DGKB: variants seen among roughly 807,000 people sequenced by gnomAD.
DGKB encodes the protein 90 kDa diacylglycerol kinase.
A neutral mutation model predicts 114.3 loss-of-function variants in DGKB; 67 were observed. That is an observed-to-expected ratio of 0.59 (90% CI 0.48 to 0.72). The LOEUF (loss-of-function observed/expected upper bound fraction) is 0.72, where lower values mean the gene tolerates loss of function less well. DGKB is among the 30% of genes least tolerant of loss of function. The probability of loss-of-function intolerance (pLI) is 0.00; values close to 1 mark genes in which losing one functional copy is unlikely to be tolerated. For missense variants in DGKB, 907 were observed against 975.2 expected, an observed-to-expected ratio of 0.93 and a Z score of 0.93; for synonymous variants, 398 against 323.1, an observed-to-expected ratio of 1.23 and a Z score of -2.49.
chr7:14,442,435 C>T (rs1830206280), intron 21 of DGKB, among the ~76,000 whole-genome samples: 1 of 151,862 alleles, frequency 6.6e-6, no homozygotes, highest in Admixed American at 6.6e-5. Context: ...ATTTGTCTTT[C>T]AGTAAACAAA....
At chr7:14,198,796 G>T (rs73679678) in intron 23 of DGKB, among the ~76,000 whole-genome samples, 8,013 of 152,022 alleles carry the variant, frequency 0.053, 338 homozygotes, top group East Asian at 0.26. Context: ...ACCTGGCATT[G>T]ATACTTTAAA....
chr7:14,899,982 G>GT (rs1369392381), intron 1 of DGKB, among the ~76,000 whole-genome samples: 1 of 152,022 alleles, frequency 6.6e-6, no homozygotes, highest in Non-Finnish European at 1.5e-5. Context: ...CTGAGTTTGA[G>GT]TTTTTTCTAA....
chr7:14,731,592 A>C (rs1364241469), intron 5 of DGKB, among the ~76,000 whole-genome samples: 1 of 152,156 alleles, frequency 6.6e-6, no homozygotes, highest in Non-Finnish European at 1.5e-5. Flanking sequence ...ATATTTATTA[A>C]ATTTCTCTTA....
intron 13 of DGKB, among the ~76,000 whole-genome samples, chr7:14,660,048 T>G (rs1365135086): frequency 6.6e-6 from 1 of 151,294 alleles, no homozygotes; most frequent in African/African-American, 2.4e-5. Context: ...TTGATTTGCG[T>G]GTATTGAACC....
At chr7:14,829,091 T>C (rs181251530) in intron 2 of DGKB, among the ~76,000 whole-genome samples, 252 of 152,204 alleles carry the variant, frequency 1.7e-3, no homozygotes, top group Non-Finnish European at 3.0e-3. Flanking sequence ...GACAGGTGGG[T>C]GGAAGTGTTA....
chr7:14,727,034 G>T (rs1159302493), intron 5 of DGKB, among the ~76,000 whole-genome samples: 1 of 152,072 alleles, frequency 6.6e-6, no homozygotes, highest in Admixed American at 6.6e-5. Flanking sequence ...CCTCTGCAGG[G>T]TATTAAATCT....
intron 20 of DGKB, among the ~76,000 whole-genome samples, chr7:14,561,161 T>A (rs1796601952): frequency 6.6e-6 from 1 of 152,100 alleles, no homozygotes; most frequent in African/African-American, 2.4e-5. Flanking sequence ...CCCGTCCTCT[T>A]CTCATGATAG....
At chr7:14,389,283 C>T (rs2128703509) in intron 21 of DGKB, among the ~76,000 whole-genome samples, 1 of 152,298 alleles carries the variant, frequency 6.6e-6, no homozygotes, top group East Asian at 1.9e-4. Flanking sequence ...ATAGAAAATG[C>T]TCCATGTGAG....
chr7:14,912,314 C>T (rs995816242), intron 1 of DGKB, among the ~76,000 whole-genome samples: 2 of 152,146 alleles, frequency 1.3e-5, no homozygotes, highest in African/African-American at 4.8e-5. Flanking sequence ...AGTTAGTCAA[C>T]TACTTCATAT....
intron 1 of DGKB, among the ~76,000 whole-genome samples, chr7:14,882,095 T>C (rs909349036): frequency 3.9e-5 from 6 of 152,122 alleles, no homozygotes; most frequent in African/African-American, 7.2e-5. Flanking sequence ...CAACAGAACA[T>C]TCCCAGGCAA....
intron 5 of DGKB, among the ~76,000 whole-genome samples, chr7:14,725,920 T>C (rs1017089828): frequency 2.0e-5 from 3 of 152,142 alleles, no homozygotes; most frequent in Non-Finnish European, 4.4e-5. Context: ...TAATGAATAA[T>C]GGTAATGACT....
chr7:14,586,519 G>T (rs533186349), intron 17 of DGKB, among the ~76,000 whole-genome samples: 1 of 152,198 alleles, frequency 6.6e-6, no homozygotes, highest in South Asian at 2.1e-4. Flanking sequence ...TGATAAAGGT[G>T]GTACGCTAAA....
chr7:14,322,587 GAA>G (rs1808026350), intron 23 of DGKB, among the ~76,000 whole-genome samples: 1 of 151,978 alleles, frequency 6.6e-6, no homozygotes, highest in Admixed American at 6.6e-5. Flanking sequence ...AAAGCAATAA[GAA>G]AAAAGTAATA....
At chr7:14,503,440 AC>A (rs1366667393) in intron 20 of DGKB, among the ~76,000 whole-genome samples, 2 of 151,966 alleles carry the variant, frequency 1.3e-5, no homozygotes, top group African/African-American at 4.8e-5. Flanking sequence ...CTTATTTTTT[AC>A]CTATTTTAAA....
At chr7:14,519,425 T>G (rs1006508301) in intron 20 of DGKB, among the ~76,000 whole-genome samples, 6 of 152,130 alleles carry the variant, frequency 3.9e-5, no homozygotes, top group African/African-American at 1.4e-4. Context: ...TAGCAATATT[T>G]TGTTTCTTTT....
chr7:14,944,541 T>C (rs1785756429), intron 1 of DGKB, among the ~76,000 whole-genome samples: 2 of 151,866 alleles, frequency 1.3e-5, no homozygotes, highest in Non-Finnish European at 2.9e-5. Flanking sequence ...TCACATAATT[T>C]CTCTTCTGTA....
At chr7:14,805,849 A>G (rs187492531) in intron 2 of DGKB, among the ~76,000 whole-genome samples, 30 of 150,786 alleles carry the variant, frequency 2.0e-4, no homozygotes, top group Middle Eastern at 6.9e-3. Flanking sequence ...AAAAATTTAG[A>G]GAATTTGAGT....
chr7:14,822,362 T>G (rs1483078110), intron 2 of DGKB, among the ~76,000 whole-genome samples: 1 of 152,062 alleles, frequency 6.6e-6, no homozygotes, highest in East Asian at 1.9e-4. Flanking sequence ...AGGTCAGGTT[T>G]AGAAGGAAGA....
At chr7:14,208,509 T>C (rs534403467) in intron 23 of DGKB, among the ~76,000 whole-genome samples, 4 of 152,138 alleles carry the variant, frequency 2.6e-5, no homozygotes, top group African/African-American at 9.6e-5. Context: ...TGCAAGGGAT[T>C]GTAAACAGCC....
Sources: gnomAD v4.1 joint callset for allele counts (sites outside exome capture counted in the v4.1 genomes callset) on GRCh38, gnomAD v4.1.1 for gene constraint, MANE v1.5 for transcripts, NCBI Gene and HGNC (gene_info 2026-07-23, HGNC 2026-07-21) for gene names.